Variants in ACTR5 observed in about 807,000 individuals in gnomAD.
ACTR5 encodes actin related protein 5.
A neutral mutation model predicts 61.2 loss-of-function variants in ACTR5; 43 were observed. The ratio of observed to expected loss-of-function variants is 0.70; its 90% CI spans 0.55 to 0.91. The LOEUF is 0.91. Among genes scored for constraint, ACTR5 ranks in the 40% least tolerant of loss-of-function variants. The pLI is 0.00. For missense variants in ACTR5, 798 were observed against 782.2 expected, an observed-to-expected ratio of 1.02 and a Z score of -0.24; for synonymous variants, 333 against 310.5, an observed-to-expected ratio of 1.07 and a Z score of -0.76.
intron 3 of ACTR5, among the ~76,000 whole-genome samples, chr20:38,753,162 C>T (rs189714673): frequency 5.3e-5 from 8 of 152,242 alleles, no homozygotes; most frequent in Admixed American, 3.3e-4. Flanking sequence ...CACAGCTCTC[C>T]GTGCTCCCAC....
intron 6 of ACTR5, 138 bp from the exon 7 acceptor site, chr20:38,766,100 A>G: frequency 2.2e-6 from 2 of 913,498 alleles, no homozygotes; most frequent in Non-Finnish European, 3.3e-6. Flanking sequence ...TAGCAGGTCA[A>G]GAGAGTTGGG....
intron 8 of ACTR5, 108 bp downstream of exon 8, chr20:38,767,704 TTTCTTCTGGTCTTAAGTCCATGC>T: frequency 7.9e-7 from 1 of 1,271,800 alleles, no homozygotes. Flanking sequence ...TTTTGTGGCT[TTTCTTCTGGTCTTAAGTCCATGC>T]TTAATTTTTA....
chr20:38,766,326 T>A lies in ACTR5; in HGVS notation c.1382T>A (p.Ile461Lys). 1.9e-6 allele frequency: 3 copies of A among 1,614,082 alleles called. No homozygotes were observed. Among genetic ancestry groups the A allele is most frequent in the Non-Finnish European group, 2.5e-6 (3 of 1,180,014 alleles). ...GAGATTATTTTCCAGCCATCTCTCA[T>A]AGGAGAAGAACAGGCTGGGATTGCA... ...APEIIFQPSLIGEEQAGIAET... is the reference protein window; with the variant it reads ...APEIIFQPSLKGEEQAGIAET... Residue 461 changes from isoleucine (I) to lysine (K), a missense_variant, in exon 7 of 9, where the codon ATA becomes AAA. Coordinates refer to ENST00000243903, the MANE Select transcript of ACTR5 (RefSeq NM_024855.4).
intron 2 of ACTR5, 98 bp downstream of exon 2, chr20:38,750,337 C>A: frequency 2.9e-6 from 3 of 1,036,832 alleles, no homozygotes; most frequent in Admixed American, 2.3e-5. Flanking sequence ...AGAGCAAGTA[C>A]TAGCCTGTGA....
At chr20:38,769,262 C>T (rs1387635703) in intron 8 of ACTR5, among the ~76,000 whole-genome samples, 1 of 152,186 alleles carries the variant, frequency 6.6e-6, no homozygotes, top group African/African-American at 2.4e-5. Flanking sequence ...CCCTGTCTTT[C>T]CCTATGTTCC....
rs1397444364 is a variant in ACTR5, at chr20:38,771,898, T to G, written c.*82T>G. The stretch of plus-strand genomic sequence containing the variant: ...GTGACAGGACTGTGATTGTGCTAGA[T>G]GTACCTGCCCAAGTCTGCTGGTCAC... On this transcript the variant is annotated 3_prime_UTR_variant, in exon 9 of 9. Transcript: ENST00000243903. 22 of 1,501,190 alleles carry G rather than the reference T, an allele frequency of 1.5e-5. No individual in the cohort carries two copies. Among genetic ancestry groups the G allele is most frequent in the Non-Finnish European group, 2.0e-5 (22 of 1,126,308 alleles). The allele number at this position is 1,501,190 out of a possible 1,614,324, so 93.0% of individuals were successfully genotyped here. A position where few individuals can be genotyped will look rare whatever the true frequency, so the allele number is the denominator to read the frequency against.
In ACTR5 at chr20:38,771,526, G is replaced by T. The variant is rs758797488; in HGVS notation, c.1567-33G>T. 15 of 1,594,268 alleles carry T rather than the reference G, an allele frequency of 9.4e-6. No individual in the cohort carries two copies. In the Admixed American group the frequency reaches 2.2e-4, roughly 24 times the overall value. ...GTCAACATTCACTCCTGGAGCCCTG[G>T]TGGAGGTGTCCTGGTGAATCTTTGT... On this transcript the variant is annotated intron_variant, in intron 8 of 8. Coordinates refer to ENST00000243903, the MANE Select transcript of ACTR5 (RefSeq NM_024855.4).
At chr20:38,756,627 G>A (rs947192688) in intron 5 of ACTR5, among the ~76,000 whole-genome samples, 2 of 152,264 alleles carry the variant, frequency 1.3e-5, no homozygotes, top group South Asian at 2.1e-4. Flanking sequence ...TTTTGAGGCC[G>A]GGCGTGCTGG....
At position 38,771,587 on chromosome 20, in the gene ACTR5, A is replaced by G. The variant is rs760838834; in HGVS notation, c.1595A>G (p.Asp532Gly). ...CAACTTGCCTCGAACCCTGTGCTGG[A>G]TGCCTGGTACGGTGCTCGTGACTGG... ...QVQLASNPVL[D>G]AWYGARDWAL... is the part of the protein sequence containing the mutation. Residue 532 changes from aspartate (D) to glycine (G), a missense_variant, in exon 9 of 9, where the codon GAT (aspartate) becomes GGT (glycine). Physicochemically the swap from Asp to Gly is moderately conservative, Grantham distance 94. Transcript: ENST00000243903. The G allele has an allele frequency of 1.9e-5, 30 of 1,614,006 alleles. No homozygotes were observed. In the East Asian group the frequency reaches 6.7e-4, roughly 36 times the overall value.
At chr20:38,762,113 C>G (rs1291551954) in intron 5 of ACTR5, among the ~76,000 whole-genome samples, 1 of 152,192 alleles carries the variant, frequency 6.6e-6, no homozygotes, top group Non-Finnish European at 1.5e-5. Context: ...CTTCAAGTTG[C>G]CTGGAGCCAC....
rs760468689 is a variant in ACTR5, at chr20:38,767,447, A to G, written c.1434-17A>G. On this transcript the variant is annotated splice_polypyrimidine_tract_variant and intron_variant, in intron 7 of 8. Coordinates refer to ENST00000243903, the MANE Select transcript of ACTR5 (RefSeq NM_024855.4). ...ATTTGAGTTAAGGGACTATATTAGG[A>G]GTTGTTTCTTTCCTAGGTACCCAAA... 1.9e-6 allele frequency: 3 copies of G among 1,612,362 alleles called. No individual in the cohort carries two copies. The highest frequency in any genetic ancestry group is 2.5e-6 in the Non-Finnish European group (3 of 1,179,240).
chr20:38,771,528 G>A (rs780819889), intron 8 of ACTR5, 31 bp from the exon 9 acceptor site: 11 of 1,595,316 alleles, frequency 6.9e-6, no homozygotes, highest in Non-Finnish European at 9.4e-6. Flanking sequence ...GAGCCCTGGT[G>A]GAGGTGTCCT....
Position 38,748,469 on chromosome 20 carries a change from G to C in ACTR5, c.-10G>C. The C allele has an allele frequency of 6.8e-7, 1 of 1,470,902 alleles. No homozygotes were observed. The highest frequency in any genetic ancestry group is 8.9e-7 in the Non-Finnish European group (1 of 1,119,834). The allele number at this position is 1,470,902 out of a possible 1,614,324, so 91.1% of individuals were successfully genotyped here. A position where few individuals can be genotyped will look rare whatever the true frequency, so the allele number is the denominator to read the frequency against. On this transcript the variant is annotated 5_prime_UTR_variant, in exon 1 of 9. Transcript: ENST00000243903. ...TGCGCCGAGGGGCGGGGCTGGACGCGCGCTCCAAGATGGCGGCGAACGTGT... is the reference window on the plus strand; with the variant it reads ...TGCGCCGAGGGGCGGGGCTGGACGCCCGCTCCAAGATGGCGGCGAACGTGT...
In ACTR5 at chr20:38,755,849, G is replaced by T. The variant is rs2084417068; in HGVS notation, c.994-8G>T. 6.2e-7 allele frequency: 1 copy of T among 1,614,014 alleles called. No individual in the cohort carries two copies. Among genetic ancestry groups the T allele is most frequent in the East Asian group, 2.2e-5 (1 of 44,884 alleles). ...TTTCCTTCCTGTTTGTGACTGCTCT[G>T]TTTTCAGGAACTTCTAGAGGATGGC... is the stretch of plus-strand genomic sequence containing the variant. On this transcript the variant is annotated splice_polypyrimidine_tract_variant and splice_region_variant and intron_variant, in intron 4 of 8. Transcript: ENST00000243903.
In ACTR5 at chr20:38,750,215, A is replaced by T. The variant is rs756681046; in HGVS notation, c.581A>T (p.His194Leu). The T allele has an allele frequency of 6.2e-7, 1 of 1,614,134 alleles. No individual in the cohort carries two copies. Among genetic ancestry groups the T allele is most frequent in the South Asian group, 1.1e-5 (1 of 91,064 alleles). Residue 194 changes from histidine to leucine, a missense_variant, in exon 2 of 9, where the codon CAT (histidine) becomes CTT (leucine). Transcript: ENST00000243903. ...LIISSGYQCT[H>L]VLPILEGRLD... Reference sequence around the variant, plus strand: ...ATTTCATCTGGATACCAGTGTACGCATGTTTTACCCATCTTAGAAGGGAGG... The same window carrying T: ...ATTTCATCTGGATACCAGTGTACGCTTGTTTTACCCATCTTAGAAGGGAGG...
chr20:38,762,841 T>G (rs1388101443), intron 5 of ACTR5, among the ~76,000 whole-genome samples: 1 of 152,200 alleles, frequency 6.6e-6, no homozygotes, highest in African/African-American at 2.4e-5. Context: ...CAGTGCTTGC[T>G]TTCACCTGTT....
intron 1 of ACTR5, among the ~76,000 whole-genome samples, chr20:38,749,372 A>G (rs2084372727): frequency 6.6e-6 from 1 of 152,230 alleles, no homozygotes; most frequent in South Asian, 2.1e-4. Flanking sequence ...TATCTGAAGG[A>G]AAAACGGTCC....
At chr20:38,768,536 A>G (rs1324080038) in intron 8 of ACTR5, among the ~76,000 whole-genome samples, 1 of 152,236 alleles carries the variant, frequency 6.6e-6, no homozygotes, top group Non-Finnish European at 1.5e-5. Context: ...GTAAAAGCAC[A>G]TTAAGTGTTG....
intron 2 of ACTR5, 104 bp downstream of exon 2, chr20:38,750,343 T>A: frequency 1.1e-6 from 1 of 914,410 alleles, no homozygotes. Context: ...AGTACTAGCC[T>A]GTGAACTGAG....
Sources: allele counts gnomAD v4.1 joint callset (sites outside exome capture counted in the v4.1 genomes callset), GRCh38; gene constraint gnomAD v4.1.1; transcripts MANE v1.5; gene names NCBI Gene and HGNC (gene_info 2026-07-23, HGNC 2026-07-21).